SLC41A2: variants seen among roughly 807,000 people sequenced by gnomAD.
The protein encoded by SLC41A2 is SLC41A1-like 1.
In SLC41A2, 32 loss-of-function variants were observed where a neutral mutation model predicts 58.3. The observed-to-expected ratio is 0.55, with a 90% CI of 0.41 to 0.74. The LOEUF (loss-of-function observed/expected upper bound fraction) is 0.74, where lower values mean the gene tolerates loss of function less well. Among genes scored for constraint, SLC41A2 ranks in the 30% least tolerant of loss-of-function variants. The pLI is 0.00. For synonymous variants in SLC41A2, 190 were observed against 235.0 expected (o/e 0.81, Z 1.75); for missense variants, 514 against 680.6 (o/e 0.76, Z 2.72).
chr12:104,920,684 G>A (rs1414273274), intron 2 of SLC41A2, among the ~76,000 whole-genome samples: 1 of 152,036 alleles, frequency 6.6e-6, no homozygotes, highest in Non-Finnish European at 1.5e-5. Flanking sequence ...CAGCACTTTG[G>A]GAGGCCGAGG....
chr12:104,877,794 T>G (rs2044125805), intron 6 of SLC41A2, among the ~76,000 whole-genome samples: 1 of 151,690 alleles, frequency 6.6e-6, no homozygotes, highest in African/African-American at 2.4e-5. Flanking sequence ...AGCTCAGGAG[T>G]TTGAGACCAG....
At chr12:104,889,689 T>C (rs758705166) in intron 4 of SLC41A2, among the ~76,000 whole-genome samples, 2 of 152,180 alleles carry the variant, frequency 1.3e-5, no homozygotes, top group Non-Finnish European at 2.9e-5. Flanking sequence ...GCTACAGCAG[T>C]GGTCAACGTA....
intron 1 of SLC41A2, among the ~76,000 whole-genome samples, chr12:104,947,551 A>T (rs1028997724): frequency 1.5e-4 from 23 of 151,986 alleles, no homozygotes; most frequent in Non-Finnish European, 2.6e-4. Flanking sequence ...TCTATTTAAA[A>T]AATCAACTGG....
chr12:104,905,564 G>A (rs10778356), intron 3 of SLC41A2, among the ~76,000 whole-genome samples: 76,772 of 152,112 alleles, frequency 0.5, 19,757 homozygotes, highest in Middle Eastern at 0.56. Context: ...GGAGCAGGGG[G>A]TGGCGCTCAT....
At chr12:104,924,376 A>AT in intron 2 of SLC41A2, among the ~76,000 whole-genome samples, 1 of 152,406 alleles carries the variant, frequency 6.6e-6, no homozygotes, top group Non-Finnish European at 1.5e-5. Context: ...AAATTTGAGT[A>AT]TCTCCATATC....
intron 1 of SLC41A2, among the ~76,000 whole-genome samples, chr12:104,937,465 A>G (rs1161376398): frequency 6.6e-6 from 1 of 152,190 alleles, no homozygotes; most frequent in African/African-American, 2.4e-5. Flanking sequence ...TGCTATACAA[A>G]CCTGTATAAC....
chr12:104,889,938 C>T (rs2044867504), intron 4 of SLC41A2, among the ~76,000 whole-genome samples: 3 of 152,046 alleles, frequency 2.0e-5, no homozygotes, highest in Non-Finnish European at 2.9e-5. Context: ...TAACACTCAC[C>T]GCTAACTCAG....
At position 104,892,328 on chromosome 12, in the gene SLC41A2, A is replaced by AAAAC. The variant is rs1272873332; in HGVS notation, c.735+2945_735+2946insGTTT. The stretch of plus-strand genomic sequence containing the variant: ...AAATAAAATAAAATAAAATAAAATA[A>AAAAC]AATAAAATATTGATGCAAGAAATTG... On this transcript the variant is annotated intron_variant, in intron 4 of 10. Coordinates refer to ENST00000258538, the MANE Select transcript of SLC41A2 (RefSeq NM_001352171.3). 2.2e-4 allele frequency among the ~76,000 whole-genome samples: 28 copies of AAAAC among 126,922 alleles called. 2 individuals carry two copies. Among genetic ancestry groups the AAAAC allele is most frequent in the African/African-American group, 9.3e-4 (25 of 26,932 alleles). 83.3% of individuals were successfully genotyped at this position (126,922 alleles called of 152,430 possible).
At chr12:104,936,329 C>T (rs2047268602) in intron 1 of SLC41A2, among the ~76,000 whole-genome samples, 1 of 152,120 alleles carries the variant, frequency 6.6e-6, no homozygotes, top group Non-Finnish European at 1.5e-5. Context: ...GGAAACCTTG[C>T]AGTGGGGCAA....
At chr12:104,811,854 G>A (rs1027111034) in intron 10 of SLC41A2, among the ~76,000 whole-genome samples, 1 of 152,224 alleles carries the variant, frequency 6.6e-6, no homozygotes, top group Non-Finnish European at 1.5e-5. Context: ...ATTAGATGGT[G>A]CTGAGGCTGA....
In SLC41A2 at chr12:104,932,330, A is replaced by G. The variant is rs80324158; in HGVS notation, c.-167-3636T>C. 1.1e-3 allele frequency among the ~76,000 whole-genome samples: 169 copies of G among 152,296 alleles called. No individual in the cohort carries two copies. The East Asian group carries it at 0.026, about 23-fold the overall frequency. ...ACATTACCTATCTTCAAACTATACTATAAGGATATAGTAGGCAGGGTGCAG... is the reference window on the plus strand; with the variant it reads ...ACATTACCTATCTTCAAACTATACTGTAAGGATATAGTAGGCAGGGTGCAG... On this transcript the variant is annotated intron_variant, in intron 1 of 10. Coordinates refer to ENST00000258538, the MANE Select transcript of SLC41A2 (RefSeq NM_001352171.3).
At chr12:104,884,827 C>G (rs1447759709) in intron 6 of SLC41A2, among the ~76,000 whole-genome samples, 2 of 152,152 alleles carry the variant, frequency 1.3e-5, no homozygotes, top group African/African-American at 4.8e-5. Context: ...ACAAGTTATC[C>G]AACTGTCTGG....
chr12:104,809,165 C>T (rs981150413), intron 10 of SLC41A2, among the ~76,000 whole-genome samples: 5 of 152,216 alleles, frequency 3.3e-5, no homozygotes, highest in African/African-American at 1.2e-4. Context: ...GTGCCTGGCA[C>T]ACAATAAACT....
At chr12:104,939,157 T>A (rs1354329784) in intron 1 of SLC41A2, among the ~76,000 whole-genome samples, 1 of 152,174 alleles carries the variant, frequency 6.6e-6, no homozygotes, top group Non-Finnish European at 1.5e-5. Context: ...AGGGAATCAT[T>A]GACTTAAAGG....
chr12:104,881,668 T>G (rs566943401), intron 6 of SLC41A2, among the ~76,000 whole-genome samples: 13 of 152,360 alleles, frequency 8.5e-5, no homozygotes, highest in African/African-American at 3.1e-4. Flanking sequence ...GATTGCACTG[T>G]GGTCTGAGAG....
intron 1 of SLC41A2, among the ~76,000 whole-genome samples, chr12:104,933,580 G>T (rs538826022): frequency 6.7e-6 from 1 of 150,344 alleles, no homozygotes; most frequent in Non-Finnish European, 1.5e-5. Context: ...ACTTGCACGC[G>T]TATGTTTATC....
In SLC41A2 at chr12:104,920,942, A is replaced by AAAT. The variant is rs375829328; in HGVS notation, c.555+7028_555+7030dup. 8.1e-3 allele frequency among the ~76,000 whole-genome samples: 1,229 copies of AAAT among 151,226 alleles called. 34 individuals are homozygous for AAAT. The East Asian group carries it at 0.11, about 14-fold the overall frequency. On this transcript the variant is annotated intron_variant, in intron 2 of 10. Transcript: ENST00000258538. ...CTGTCTCAAAAAATAAAATAAAATA[A>AAAT]AATAATAATAATAATAAAAAATTAG...
intron 10 of SLC41A2, among the ~76,000 whole-genome samples, chr12:104,819,479 T>C (rs1413436216): frequency 2.0e-5 from 3 of 152,138 alleles, no homozygotes; most frequent in Non-Finnish European, 2.9e-5. Context: ...TGAAAAAATA[T>C]TAAAGGTACG....
chr12:104,879,656 T>C (rs2044259229), intron 6 of SLC41A2, among the ~76,000 whole-genome samples: 1 of 152,146 alleles, frequency 6.6e-6, no homozygotes, highest in Non-Finnish European at 1.5e-5. Flanking sequence ...TTGGGTTATA[T>C]CTCTGTTTTG....
Sources: allele counts gnomAD v4.1 joint callset (sites outside exome capture counted in the v4.1 genomes callset), GRCh38; gene constraint gnomAD v4.1.1; transcripts MANE v1.5; gene names NCBI Gene and HGNC (gene_info 2026-07-23, HGNC 2026-07-21).